Variants in RBMS3 observed in about 807,000 individuals in gnomAD.
The protein encoded by RBMS3 is RNA-binding motif, single-stranded-interacting protein 3.
A neutral mutation model predicts 66.8 loss-of-function variants in RBMS3; 27 were observed. That is an observed-to-expected ratio of 0.40 (90% CI 0.30 to 0.56). RBMS3 has a LOEUF of 0.56. RBMS3 is among the 20% of genes least tolerant of loss of function. The pLI is 0.40. For synonymous variants in RBMS3, 188 were observed against 183.0 expected (o/e 1.03, Z -0.22); for missense variants, 513 against 549.5 (o/e 0.93, Z 0.66).
chr3:29,352,864 A>G (rs560675119), intron 1 of RBMS3, among the ~76,000 whole-genome samples: 19 of 151,282 alleles, frequency 1.3e-4, no homozygotes, highest in Non-Finnish European at 1.6e-4. Flanking sequence ...TGCCAGGCCT[A>G]TTTTACTTAA....
At chr3:29,553,654 C>G (rs1294025330) in intron 3 of RBMS3, among the ~76,000 whole-genome samples, 1 of 151,954 alleles carries the variant, frequency 6.6e-6, no homozygotes, top group Non-Finnish European at 1.5e-5. Context: ...AACAGGGCAC[C>G]TAGTGATGCA....
chr3:29,623,325 G>A (rs550263870), intron 4 of RBMS3, among the ~76,000 whole-genome samples: 10 of 152,148 alleles, frequency 6.6e-5, no homozygotes, highest in Non-Finnish European at 1.3e-4. Flanking sequence ...GGGCGCGGTG[G>A]CTCACGCCTG....
At chr3:29,288,007 G>A (rs1161846904) in intron 1 of RBMS3, among the ~76,000 whole-genome samples, 1 of 151,972 alleles carries the variant, frequency 6.6e-6, no homozygotes, top group East Asian at 1.9e-4. Context: ...CAGGGAGTAT[G>A]TATTATGTGG....
At chr3:29,342,824 C>A (rs1184894765) in intron 1 of RBMS3, among the ~76,000 whole-genome samples, 3 of 152,006 alleles carry the variant, frequency 2.0e-5, no homozygotes, top group African/African-American at 7.2e-5. Flanking sequence ...GATCCTCCAG[C>A]CCCTTCTCAC....
intron 3 of RBMS3, among the ~76,000 whole-genome samples, chr3:29,525,645 A>T (rs2045063502): frequency 6.6e-6 from 1 of 152,168 alleles, no homozygotes; most frequent in South Asian, 2.1e-4. Flanking sequence ...TTCCACTCCC[A>T]CTATGGCTCA....
At chr3:29,324,844 C>T (rs2035225903) in intron 1 of RBMS3, among the ~76,000 whole-genome samples, 1 of 151,928 alleles carries the variant, frequency 6.6e-6, no homozygotes, top group Non-Finnish European at 1.5e-5. Flanking sequence ...TCTCTCCTTC[C>T]TCTCCTCTTC....
At chr3:29,888,425 G>C (rs932046424) in intron 8 of RBMS3, among the ~76,000 whole-genome samples, 1 of 151,528 alleles carries the variant, frequency 6.6e-6, no homozygotes, top group African/African-American at 2.4e-5. Flanking sequence ...GCTAATGGTA[G>C]CACCAGTCCC....
intron 13 of RBMS3, 104 bp downstream of exon 13, chr3:29,988,327 C>G (rs760215571): frequency 1.1e-6 from 1 of 889,164 alleles, no homozygotes. Context: ...AATTTTTGTG[C>G]TACTCTAAAA....
At chr3:29,717,660 G>T (rs1295282977) in intron 4 of RBMS3, among the ~76,000 whole-genome samples, 1 of 152,046 alleles carries the variant, frequency 6.6e-6, no homozygotes, top group South Asian at 2.1e-4. Flanking sequence ...TGAAGCCGTT[G>T]ATCCATTAGA....
At chr3:29,698,550 GA>G (rs1324076728) in intron 4 of RBMS3, 2 of 985,228 alleles carry the variant, frequency 2.0e-6, no homozygotes, top group Non-Finnish European at 2.4e-6. Context: ...CGGATTCAAT[GA>G]AATAGTATTT....
At chr3:29,325,566 A>G (rs1255894318) in intron 1 of RBMS3, among the ~76,000 whole-genome samples, 5 of 151,384 alleles carry the variant, frequency 3.3e-5, no homozygotes, top group Non-Finnish European at 7.4e-5. Flanking sequence ...GTGTGTATGT[A>G]TATATATACA....
chr3:29,381,433 T>C (rs1369199678), intron 1 of RBMS3, among the ~76,000 whole-genome samples: 1 of 152,172 alleles, frequency 6.6e-6, no homozygotes, highest in African/African-American at 2.4e-5. Flanking sequence ...CCTACCAGCC[T>C]ACAGAAATGG....
chr3:29,423,056 C>T (rs1412124768), intron 1 of RBMS3, among the ~76,000 whole-genome samples: 4 of 152,144 alleles, frequency 2.6e-5, no homozygotes, highest in Non-Finnish European at 5.9e-5. Flanking sequence ...AGAAAACCTT[C>T]TCCTTTTTTT....
intron 4 of RBMS3, among the ~76,000 whole-genome samples, chr3:29,709,788 T>C (rs1249942167): frequency 6.6e-6 from 1 of 152,176 alleles, no homozygotes; most frequent in Non-Finnish European, 1.5e-5. Flanking sequence ...CTGTAGATAA[T>C]TGAAAAAGTC....
intron 14 of RBMS3, among the ~76,000 whole-genome samples, chr3:29,998,215 G>A (rs1699379265): frequency 1.3e-5 from 2 of 152,178 alleles, no homozygotes; most frequent in Non-Finnish European, 1.5e-5. Context: ...CAAGAGATGT[G>A]AAGGACCTCT....
chr3:29,411,568 ATGT>A (rs967100716), intron 1 of RBMS3, among the ~76,000 whole-genome samples: 4 of 152,174 alleles, frequency 2.6e-5, no homozygotes, highest in African/African-American at 9.6e-5. Flanking sequence ...TTTGCTAATA[ATGT>A]TGTGTTAAAA....
intron 1 of RBMS3, among the ~76,000 whole-genome samples, chr3:29,349,944 G>A (rs979837153): frequency 2.0e-5 from 3 of 152,170 alleles, no homozygotes; most frequent in Admixed American, 6.5e-5. Context: ...CAGATCACCT[G>A]AGGTTGGGAG....
chr3:29,660,682 G>A (rs182038910), intron 4 of RBMS3, among the ~76,000 whole-genome samples: 2 of 152,152 alleles, frequency 1.3e-5, no homozygotes, highest in Non-Finnish European at 2.9e-5. Flanking sequence ...CCAAGGATTA[G>A]CCTGATGTGT....
At chr3:29,455,104 T>C (rs1015487722) in intron 2 of RBMS3, among the ~76,000 whole-genome samples, 6 of 152,198 alleles carry the variant, frequency 3.9e-5, no homozygotes, top group African/African-American at 1.4e-4. Flanking sequence ...ATGCATTTCA[T>C]AATGCACTCT....
Sources: gnomAD v4.1 joint callset for allele counts (sites outside exome capture counted in the v4.1 genomes callset) on GRCh38, gnomAD v4.1.1 for gene constraint, MANE v1.5 for transcripts, NCBI Gene and HGNC (gene_info 2026-07-23, HGNC 2026-07-21) for gene names.